PARN: variants seen among roughly 807,000 people sequenced by gnomAD.
The protein encoded by PARN is poly(A)-specific ribonuclease PARN.
A neutral mutation model predicts 102.8 loss-of-function variants in PARN; 71 were observed. That is an observed-to-expected ratio of 0.69 (90% CI 0.57 to 0.84). PARN has a LOEUF of 0.84. Ranked by LOEUF, PARN falls within the 40% of genes least tolerant of loss-of-function variation. PARN has a pLI of 0.00. For synonymous variants in PARN, 261 were observed against 252.9 expected, an observed-to-expected ratio of 1.03 and a Z score of -0.30; for missense variants, 782 against 760.9, an observed-to-expected ratio of 1.03 and a Z score of -0.33.
chr16:14,582,112 TAA>T, intron 17 of PARN, 67 bp downstream of exon 17: 1 of 927,336 alleles, frequency 1.1e-6, no homozygotes, highest in Non-Finnish European at 1.8e-6. Context: ...TACAGCAGCC[TAA>T]GCCAGGAGAC....
At chr16:14,457,734 G>A (rs1217439383) in intron 22 of PARN, among the ~76,000 whole-genome samples, 1 of 143,670 alleles carries the variant, frequency 7.0e-6, no homozygotes, top group East Asian at 2.1e-4. Flanking sequence ...GGAGGCGGAG[G>A]TTGCAGTGAG....
chr16:14,628,513 T>C (rs1413128634), intron 2 of PARN, among the ~76,000 whole-genome samples: 1 of 152,192 alleles, frequency 6.6e-6, no homozygotes, highest in African/African-American at 2.4e-5. Flanking sequence ...ACAGTAATCA[T>C]GTAAGAAAAC....
At chr16:14,629,547 C>T in intron 2 of PARN, 50 bp downstream of exon 2, 3 of 1,328,042 alleles carry the variant, frequency 2.3e-6, no homozygotes, top group East Asian at 2.3e-5. Flanking sequence ...TTGAAGGAGC[C>T]TTGGCTATGC....
intron 21 of PARN, among the ~76,000 whole-genome samples, chr16:14,539,624 G>A (rs1018309394): frequency 3.9e-5 from 6 of 152,178 alleles, no homozygotes; most frequent in Admixed American, 3.9e-4. Flanking sequence ...GTGATTTAGA[G>A]AAAAACAAGT....
At chr16:14,602,020 T>A (rs993330026) in intron 11 of PARN, 2 of 146,190 alleles carry the variant, frequency 1.4e-5, no homozygotes, top group Non-Finnish European at 3.0e-5. Context: ...AACCTCCGCC[T>A]CCCGGGTTCA....
intron 22 of PARN, among the ~76,000 whole-genome samples, chr16:14,463,235 G>C (rs1962097488): frequency 1.3e-5 from 2 of 152,002 alleles, no homozygotes; most frequent in Non-Finnish European, 2.9e-5. Flanking sequence ...AGTAAGACCT[G>C]AAAAAATCAA....
intron 5 of PARN, among the ~76,000 whole-genome samples, chr16:14,619,083 C>T (rs1245289766): frequency 6.6e-6 from 1 of 151,892 alleles, no homozygotes; most frequent in East Asian, 1.9e-4. Flanking sequence ...GCAGTCCCAG[C>T]TACCCAGGGG....
Position 14,552,110 on chromosome 16 carries a change from T to G in PARN, c.1406-15A>C. Reference sequence around the variant, plus strand: ...CTGAATGTTACCTGCAATCGCAAATTAAAAGTAAAGTGAACATTTGACCAT... The same window carrying G: ...CTGAATGTTACCTGCAATCGCAAATGAAAAGTAAAGTGAACATTTGACCAT... On this transcript the variant is annotated splice_polypyrimidine_tract_variant and intron_variant, in intron 20 of 23. Coordinates refer to ENST00000437198, the MANE Select transcript of PARN (RefSeq NM_002582.4). The G allele has an allele frequency of 1.3e-6, 2 of 1,561,616 alleles. No homozygotes were observed. Among genetic ancestry groups the G allele is most frequent in the Admixed American group, 1.7e-5 (1 of 59,382 alleles).
At chr16:14,615,091 G>A (rs1257659254) in intron 6 of PARN, among the ~76,000 whole-genome samples, 1 of 152,038 alleles carries the variant, frequency 6.6e-6, no homozygotes, top group Non-Finnish European at 1.5e-5. Flanking sequence ...GAAAGGGCCT[G>A]ACATTTACAG....
intron 21 of PARN, among the ~76,000 whole-genome samples, chr16:14,516,077 T>A (rs1965441644): frequency 6.6e-6 from 1 of 151,810 alleles, no homozygotes; most frequent in South Asian, 2.1e-4. Flanking sequence ...AAAGGAAAAT[T>A]GTTTTATGAG....
intron 21 of PARN, among the ~76,000 whole-genome samples, chr16:14,485,059 A>C (rs966037705): frequency 1.3e-5 from 2 of 152,228 alleles, no homozygotes; most frequent in Admixed American, 1.3e-4. Flanking sequence ...CGTCTCTAAA[A>C]AGAAAGTGCT....
chr16:14,586,429 C>T (rs368610160), intron 13 of PARN, 68 bp from the exon 14 acceptor site: 8 of 916,158 alleles, frequency 8.7e-6, no homozygotes, highest in South Asian at 4.3e-5. Flanking sequence ...AACATGTAAA[C>T]AGCTCAAGTT....
chr16:14,494,094 C>G (rs1041447140), intron 21 of PARN, among the ~76,000 whole-genome samples: 1 of 152,140 alleles, frequency 6.6e-6, no homozygotes, highest in African/African-American at 2.4e-5. Context: ...CCTGCCTACA[C>G]GGAGGGCCTC....
intron 11 of PARN, chr16:14,601,842 G>C (rs1970886063): frequency 1.3e-5 from 2 of 151,466 alleles, no homozygotes; most frequent in Non-Finnish European, 2.9e-5. Flanking sequence ...AGAATCGCTT[G>C]AACCCGGGAG....
intron 18 of PARN, among the ~76,000 whole-genome samples, chr16:14,568,253 C>T (rs1331628496): frequency 6.8e-6 from 1 of 148,076 alleles, no homozygotes; most frequent in East Asian, 2.0e-4. Context: ...CGCCCTGTTG[C>T]CCAGGCTGCG....
In PARN at chr16:14,497,734, TGGGCTGCACTATTTACACTTTCATTAA is replaced by T. The variant is rs560697006; in HGVS notation, c.1481-14934_1481-14908del. Among the ~76,000 whole-genome samples the T allele has an allele frequency of 9.4e-3, 1,432 of 152,268 alleles. 16 individuals are homozygous for T. The highest frequency in any genetic ancestry group is 0.031 in the African/African-American group (1,304 of 41,514). Reference sequence around the variant, plus strand: ...GTGTATAAGCTAATATAGGAGCTGCTGGGCTGCACTATTTACACTTTCATTAAGGGCTGCACTATTTACACTTTCATT... The same window carrying T: ...GTGTATAAGCTAATATAGGAGCTGCTGGGCTGCACTATTTACACTTTCATT... On this transcript the variant is annotated intron_variant, in intron 21 of 23. Coordinates refer to ENST00000437198, the MANE Select transcript of PARN (RefSeq NM_002582.4).
intron 21 of PARN, among the ~76,000 whole-genome samples, chr16:14,511,548 T>A (rs1416693983): frequency 6.6e-6 from 1 of 152,108 alleles, no homozygotes; most frequent in Non-Finnish European, 1.5e-5. Context: ...TAATATAAGC[T>A]TGACTCAATG....
intron 21 of PARN, among the ~76,000 whole-genome samples, chr16:14,519,100 C>T (rs1240592605): frequency 6.6e-6 from 1 of 151,702 alleles, no homozygotes. Flanking sequence ...CTATTTCTAC[C>T]ATCTCCAGTG....
chr16:14,562,436 A>G (rs1219158848), intron 18 of PARN, among the ~76,000 whole-genome samples: 1 of 149,452 alleles, frequency 6.7e-6, no homozygotes, highest in African/African-American at 2.4e-5. Context: ...CTGTCTCGAA[A>G]AAAAAAAAAA....
Sources: gnomAD v4.1 joint callset for allele counts (sites outside exome capture counted in the v4.1 genomes callset) on GRCh38, gnomAD v4.1.1 for gene constraint, MANE v1.5 for transcripts, NCBI Gene and HGNC (gene_info 2026-07-23, HGNC 2026-07-21) for gene names.